The following TMEM18 variants were observed in gnomAD, a reference collection of about 807,000 sequenced individuals.
The protein encoded by TMEM18 is transmembrane protein 18.
TMEM18 carries 14 observed loss-of-function variants against 17.4 expected under a neutral mutation model. That is an observed-to-expected ratio of 0.80 (90% CI 0.53 to 1.25). The LOEUF is 1.25. Ranked by LOEUF, TMEM18 falls within the 50% of genes most tolerant of loss-of-function variation. TMEM18 has a pLI of 0.00. For missense variants in TMEM18, 187 were observed against 172.1 expected, an observed-to-expected ratio of 1.09 and a Z score of -0.48; for synonymous variants, 86 against 66.1, an observed-to-expected ratio of 1.30 and a Z score of -1.46.
In TMEM18 at chr2:672,819, C is replaced by T. The variant is rs564413856; in HGVS notation, c.222G>A (p.Ala74=). The T allele has an allele frequency of 5.4e-6, 8 of 1,475,246 alleles. No individual in the cohort carries two copies. Among genetic ancestry groups the T allele is most frequent in the African/African-American group, 3.0e-5 (2 of 67,514 alleles). 91.4% of individuals were successfully genotyped at this position (1,475,246 alleles called of 1,614,324 possible). A position where few individuals can be genotyped will look rare whatever the true frequency, so the allele number is the denominator to read the frequency against. ...GGGGGTGGGCTCACCTCCAGTTCATCGCAGCCGCCTCATTGATGTATTCAG... is the reference window on the plus strand; with the variant it reads ...GGGGGTGGGCTCACCTCCAGTTCATTGCAGCCGCCTCATTGATGTATTCAG... ...YCAEYINEAA[A]MNWRLFSKYQ... Residue 74 remains alanine, a synonymous_variant, in exon 3 of 5, where the codon GCG becomes GCA. Transcript: ENST00000281017.
intron 3 of TMEM18, 68 bp from the exon 4 acceptor site, chr2:669,918 T>TTTAGATA: frequency 1.6e-6 from 2 of 1,262,294 alleles, no homozygotes; most frequent in Non-Finnish European, 2.2e-6. Context: ...ACACCGTCTA[T>TTTAGATA]TTAGATAAGA....
rs772616907 is a variant in TMEM18, at chr2:677,279, C to G, written c.57+10G>C. 1 of 1,609,732 alleles carries G rather than the reference C, an allele frequency of 6.2e-7. No individual in the cohort carries two copies. Among genetic ancestry groups the G allele is most frequent in the South Asian group, 1.1e-5 (1 of 90,140 alleles). ...CCCCCGAACTGGTGGTTACGCGGGC[C>G]GCGAGTTACCGTGAGCACGGCTGGG... On this transcript the variant is annotated intron_variant, in intron 1 of 4. Transcript: ENST00000281017.
rs1678655564 is a variant in TMEM18 at position 665,344 on chromosome 2, T to G, written c.*4236A>C. ...CCAGAGATGCAGATGCACCACTCAC[T>G]CAGATAGAGAATCAACCCCACATAA... On this transcript the variant is annotated 3_prime_UTR_variant, in exon 5 of 5. Transcript: ENST00000281017. Among the ~76,000 whole-genome samples, 1 of 150,792 alleles carries G rather than the reference T, an allele frequency of 6.6e-6. No homozygotes were observed. The highest frequency in any genetic ancestry group is 1.5e-5 in the Non-Finnish European group (1 of 67,816).
chr2:675,957 T>C, intron 1 of TMEM18: 1 of 1,349,220 alleles, frequency 7.4e-7, no homozygotes, highest in Non-Finnish European at 9.7e-7. Flanking sequence ...AAGGTGGGTA[T>C]AATTAAAGGA....
intron 1 of TMEM18, chr2:675,854 C>G: frequency 1.3e-6 from 2 of 1,510,926 alleles, no homozygotes; most frequent in Non-Finnish European, 8.8e-7. Context: ...CCCCTCAGTG[C>G]AACTATAATT....
chr2:670,094 A>G (rs1446224006), intron 3 of TMEM18: 24 of 471,692 alleles, frequency 5.1e-5, no homozygotes, highest in Non-Finnish European at 8.3e-5. Context: ...GCAGCACAGG[A>G]AAGACCCCGA....
At position 677,263 on chromosome 2, in the gene TMEM18, TGGTGGTTA is replaced by T; in HGVS notation, c.57+18_57+25del. ...GCCTCTCCGCCGTCCTCCCCCGAAC[TGGTGGTTA>T]CGCGGGCCGCGAGTTACCGTGAGCA... On this transcript the variant is annotated intron_variant, in intron 1 of 4. Coordinates refer to ENST00000281017, the MANE Select transcript of TMEM18 (RefSeq NM_152834.4). The T allele has an allele frequency of 6.2e-7, 1 of 1,605,796 alleles. No individual in the cohort carries two copies. Among genetic ancestry groups the T allele is most frequent in the Non-Finnish European group, 8.5e-7 (1 of 1,178,062 alleles).
intron 1 of TMEM18, chr2:676,122 T>A (rs1478227805): frequency 7.6e-7 from 1 of 1,323,794 alleles, no homozygotes; most frequent in Non-Finnish European, 1.0e-6. Context: ...CCTCAGGGAA[T>A]CTTGAGCCAT....
At chr2:675,983 GATGATAATTGGTT>G (rs1227423605) in intron 1 of TMEM18, 4 of 1,312,284 alleles carry the variant, frequency 3.0e-6, no homozygotes, top group East Asian at 4.7e-5. Flanking sequence ...CATCCTTTAC[GATGATAATTGGTT>G]ATGATAATTG....
At chr2:675,687 G>A (rs776955041) in intron 1 of TMEM18, 57 bp from the exon 2 acceptor site, 17 of 1,599,978 alleles carry the variant, frequency 1.1e-5, no homozygotes, top group Non-Finnish European at 1.4e-5. Context: ...CGGGTTCACG[G>A]CCCACCCACA....
At position 669,402 on chromosome 2, in the gene TMEM18, T is replaced by G. The variant is rs1357765750; in HGVS notation, c.*178A>C. 26 of 668,416 alleles carry G rather than the reference T, an allele frequency of 3.9e-5. No individual in the cohort carries two copies. Among genetic ancestry groups the G allele is most frequent in the Non-Finnish European group, 6.6e-5 (25 of 376,098 alleles). The allele number at this position is 668,416 out of a possible 1,614,324, so 41.4% of individuals were successfully genotyped here. On this transcript the variant is annotated 3_prime_UTR_variant, in exon 5 of 5. Coordinates refer to ENST00000281017, the MANE Select transcript of TMEM18 (RefSeq NM_152834.4). ...AAGACGCATGTCCTGATGGATACATTCAGTGCTGGCTGAAAAGCCAACTTC... is the reference window on the plus strand; with the variant it reads ...AAGACGCATGTCCTGATGGATACATGCAGTGCTGGCTGAAAAGCCAACTTC...
intron 1 of TMEM18, chr2:676,036 C>T: frequency 3.0e-6 from 4 of 1,314,560 alleles, no homozygotes; most frequent in Non-Finnish European, 4.0e-6. Context: ...GACGATTGCT[C>T]AAAGAGATGC....
At position 664,530 on chromosome 2, in the gene TMEM18, G is replaced by A. The variant is rs1213098948; in HGVS notation, c.*5050C>T. ...AAACACCAACAATCATTTGAAAAGC[G>A]TTAAACCTCACAGGTAACCACAGAA... On this transcript the variant is annotated 3_prime_UTR_variant, in exon 5 of 5. Coordinates refer to ENST00000281017, the MANE Select transcript of TMEM18 (RefSeq NM_152834.4). Among the ~76,000 whole-genome samples the A allele has an allele frequency of 1.3e-5, 2 of 152,190 alleles. No homozygotes were observed. The highest frequency in any genetic ancestry group is 2.4e-5 in the African/African-American group (1 of 41,436).
At chr2:675,891 G>C in intron 1 of TMEM18, 2 of 1,472,934 alleles carry the variant, frequency 1.4e-6, no homozygotes, top group South Asian at 1.2e-5. Flanking sequence ...CAAGCACACA[G>C]AACTGAAGGC....
At position 667,105 on chromosome 2, in the gene TMEM18, T is replaced by A. The variant is rs1678713122; in HGVS notation, c.*2475A>T. Among the ~76,000 whole-genome samples, 1 of 151,256 alleles carries A rather than the reference T, an allele frequency of 6.6e-6. No homozygotes were observed. The highest frequency in any genetic ancestry group is 2.0e-4 in the East Asian group (1 of 5,064). ...CTTTACTTCTCACAGAAGCTAGCCATTCAGGTTGCATATTGCTTTCTGATT... is the reference window on the plus strand; with the variant it reads ...CTTTACTTCTCACAGAAGCTAGCCAATCAGGTTGCATATTGCTTTCTGATT... On this transcript the variant is annotated 3_prime_UTR_variant, in exon 5 of 5. Transcript: ENST00000281017.
rs1223641760 is a variant in TMEM18, at chr2:665,839, C to T, written c.*3741G>A. Among the ~76,000 whole-genome samples, 2 of 152,152 alleles carry T rather than the reference C, an allele frequency of 1.3e-5. No individual in the cohort carries two copies. Among genetic ancestry groups the T allele is most frequent in the Non-Finnish European group, 2.9e-5 (2 of 68,038 alleles). On this transcript the variant is annotated 3_prime_UTR_variant, in exon 5 of 5. Transcript: ENST00000281017. ...CATCAACCCCACACACAACAGGACA[C>T]AGAGATGCAGATGCCCCACTCACTC...
At chr2:677,109 C>G (rs970285093) in intron 1 of TMEM18, 180 bp downstream of exon 1, 1 of 717,212 alleles carries the variant, frequency 1.4e-6, no homozygotes, top group Non-Finnish European at 2.2e-6. Flanking sequence ...CGCGCGCCCC[C>G]GACGCCGGCC....
At chr2:676,437 T>A (rs975948995) in intron 1 of TMEM18, 14 of 1,072,350 alleles carry the variant, frequency 1.3e-5, no homozygotes, top group African/African-American at 5.0e-5. Flanking sequence ...AGCCCCGCCC[T>A]GCCCTCCAAG....
chr2:673,491 G>A (rs1678912985), intron 2 of TMEM18, among the ~76,000 whole-genome samples: 1 of 152,202 alleles, frequency 6.6e-6, no homozygotes, highest in Admixed American at 6.5e-5. Context: ...TCAAACCCAT[G>A]AGACAGTGAC....
Sources: gnomAD v4.1 joint callset for allele counts (sites outside exome capture counted in the v4.1 genomes callset) on GRCh38, gnomAD v4.1.1 for gene constraint, MANE v1.5 for transcripts, NCBI Gene and HGNC (gene_info 2026-07-23, HGNC 2026-07-21) for gene names.